CASD1: variants seen among roughly 807,000 people sequenced by gnomAD.
CASD1 encodes CAS1 domain sialic acid O acetyltransferase 1.
Under a neutral mutation model 100.0 loss-of-function variants are expected in CASD1, and 41 were observed. That is an observed-to-expected ratio of 0.41 (90% CI 0.32 to 0.53). The LOEUF is 0.53. CASD1 is among the 20% of genes least tolerant of loss of function. The pLI is 0.25. For missense variants in CASD1, 774 were observed against 948.7 expected (o/e 0.82, Z 2.42); for synonymous variants, 321 against 315.6 (o/e 1.02, Z -0.18).
At chr7:94,559,815 G>A (rs11983779), downstream of CASD1, among the ~76,000 whole-genome samples, 33,761 of 152,044 alleles carry the variant, frequency 0.22, 4,512 homozygotes, top group South Asian at 0.37. Context: ...GTGAGCCACC[G>A]TGCCCAGCCA....
At chr7:94,597,831 AC>A in the CASD1 span, 1 of 152,292 alleles carries the variant, frequency 6.6e-6, no homozygotes, top group East Asian at 1.9e-4. Flanking sequence ...ACATGGTGAA[AC>A]CCCATCCCTA....
intron 3 of CASD1, among the ~76,000 whole-genome samples, chr7:94,524,964 T>G (rs1003536824): frequency 2.0e-5 from 3 of 152,112 alleles, no homozygotes; most frequent in African/African-American, 4.8e-5. Flanking sequence ...GGACTGTGTA[T>G]TAAATGAGAT....
chr7:94,619,009 AAG>A, the CASD1 span: 1 of 1,249,404 alleles, frequency 8.0e-7, no homozygotes, highest in Non-Finnish European at 1.2e-6. Flanking sequence ...GTCTTTTAAA[AAG>A]GAAACAAAAG....
intron 3 of CASD1, among the ~76,000 whole-genome samples, chr7:94,526,365 G>T (rs1794565526): frequency 6.6e-6 from 1 of 152,140 alleles, no homozygotes; most frequent in Non-Finnish European, 1.5e-5. Flanking sequence ...GAATTGCCTT[G>T]GGAAATTCAG....
chr7:94,524,412 T>G (rs1385306894), intron 3 of CASD1: 1 of 152,110 alleles, frequency 6.6e-6, no homozygotes, highest in Non-Finnish European at 1.5e-5. Context: ...GCCAGGCATT[T>G]TACTGAAGTG....
chr7:94,534,249 C>T (rs1207867604), intron 7 of CASD1, among the ~76,000 whole-genome samples: 3 of 150,208 alleles, frequency 2.0e-5, no homozygotes, highest in Non-Finnish European at 3.0e-5. Context: ...TCACTGCAAC[C>T]TCCGCCTCCC....
chr7:94,543,079 T>G (rs1795494638), intron 10 of CASD1, among the ~76,000 whole-genome samples: 1 of 152,008 alleles, frequency 6.6e-6, no homozygotes, highest in Admixed American at 6.6e-5. Context: ...GGAAGAACAT[T>G]CCAGGGCAAG....
chr7:94,535,177 C>G (rs2116323927), intron 7 of CASD1, 132 bp from the exon 8 acceptor site: 1 of 634,018 alleles, frequency 1.6e-6, no homozygotes, highest in Non-Finnish European at 2.7e-6. Context: ...TAAAAATGAA[C>G]TATTAGGTAC....
rs371089795 is a variant in CASD1 at position 94,529,208 on chromosome 7, T to C, written c.459+958T>C. Among the ~76,000 whole-genome samples, 15 of 152,314 alleles carry C rather than the reference T, an allele frequency of 9.8e-5. 1 individual carries two copies. The South Asian group carries it at 2.5e-3, about 25-fold the overall frequency. On this transcript the variant is annotated intron_variant, in intron 5 of 17. Coordinates refer to ENST00000297273, the MANE Select transcript of CASD1 (RefSeq NM_022900.5). ...ATAATGTTCCATGTATATTTGAAATTATTTAAGCATATGTTTCATATTTGT... is the reference window on the plus strand; with the variant it reads ...ATAATGTTCCATGTATATTTGAAATCATTTAAGCATATGTTTCATATTTGT...
chr7:94,542,155 G>A (rs2116364602), intron 10 of CASD1, among the ~76,000 whole-genome samples: 1 of 152,304 alleles, frequency 6.6e-6, no homozygotes, highest in African/African-American at 2.4e-5. Flanking sequence ...TTGAAAGCAT[G>A]TTTTATGGAG....
At chr7:94,582,956 T>A in the CASD1 span, among the ~76,000 whole-genome samples, 1 of 152,214 alleles carries the variant, frequency 6.6e-6, no homozygotes, top group Non-Finnish European at 1.5e-5. Context: ...TAGGAAATTC[T>A]GAAATGCAAA....
At chr7:94,550,151 A>G (rs1413220262) in intron 14 of CASD1, among the ~76,000 whole-genome samples, 1 of 152,170 alleles carries the variant, frequency 6.6e-6, no homozygotes, top group Non-Finnish European at 1.5e-5. Flanking sequence ...TTAGTCTATG[A>G]ACTTGATCTT....
At chr7:94,610,170 A>G in the CASD1 span, among the ~76,000 whole-genome samples, 1 of 152,240 alleles carries the variant, frequency 6.6e-6, no homozygotes, top group Non-Finnish European at 1.5e-5. Flanking sequence ...CTATGGAGAC[A>G]GTAAAAACAT....
intron 1 of CASD1, among the ~76,000 whole-genome samples, chr7:94,512,205 G>A (rs1365175083): frequency 6.6e-6 from 1 of 152,116 alleles, no homozygotes; most frequent in Non-Finnish European, 1.5e-5. Context: ...GGAAGAAGAA[G>A]AACTGTCTTT....
chr7:94,588,254 G>T, the CASD1 span: 5 of 1,040,956 alleles, frequency 4.8e-6, no homozygotes, highest in Non-Finnish European at 4.6e-6. Flanking sequence ...AACCAGGCCA[G>T]CCATTTCTCA....
the CASD1 span, among the ~76,000 whole-genome samples, chr7:94,615,359 AAAAT>A: frequency 1.4e-3 from 190 of 139,618 alleles, 1 homozygote; most frequent in African/African-American, 4.6e-3. Flanking sequence ...ACTCTGTCTC[AAAAT>A]AAATAGATAG....
chr7:94,590,609 A>G, the CASD1 span: 2 of 152,328 alleles, frequency 1.3e-5, no homozygotes, highest in South Asian at 4.1e-4. Flanking sequence ...GTTTGATCCA[A>G]GCTGGGGATT....
the CASD1 span, among the ~76,000 whole-genome samples, chr7:94,631,773 G>C: frequency 2.4e-3 from 371 of 151,980 alleles, 2 homozygotes; most frequent in African/African-American, 8.4e-3. Context: ...CTGCTAAAAA[G>C]TCATTTCACT....
the CASD1 span, among the ~76,000 whole-genome samples, chr7:94,606,395 A>G: frequency 2.1e-4 from 32 of 152,336 alleles, no homozygotes; most frequent in Non-Finnish European, 4.0e-4. Flanking sequence ...GGCATTACAT[A>G]ATGATAAAGA....
Sources: gnomAD v4.1 joint callset for allele counts (sites outside exome capture counted in the v4.1 genomes callset) on GRCh38, gnomAD v4.1.1 for gene constraint, MANE v1.5 for transcripts, NCBI Gene and HGNC (gene_info 2026-07-23, HGNC 2026-07-21) for gene names.